Variants in GON4L observed in about 807,000 individuals in gnomAD.
GON4L encodes the protein gon-4 like.
In GON4L, 87 loss-of-function variants were observed where a neutral mutation model predicts 211.8. That is an observed-to-expected ratio of 0.41 (90% CI 0.35 to 0.49). The LOEUF is 0.49. Ranked by LOEUF, GON4L falls within the 20% of genes least tolerant of loss-of-function variation. GON4L has a pLI of 0.15. For missense variants in GON4L, 2,155 were observed against 2,659.5 expected, an observed-to-expected ratio of 0.81 and a Z score of 4.17; for synonymous variants, 875 against 962.6, an observed-to-expected ratio of 0.91 and a Z score of 1.68.
chr1:155,767,987 A>G (rs1000479027), intron 19 of GON4L, among the ~76,000 whole-genome samples: 11 of 152,154 alleles, frequency 7.2e-5, no homozygotes, highest in African/African-American at 1.9e-4. Flanking sequence ...AAGGGGGGAA[A>G]AAAAGAGCCT....
chr1:155,816,995 TTTTG>T (rs1668311565), intron 6 of GON4L, among the ~76,000 whole-genome samples: 1 of 152,082 alleles, frequency 6.6e-6, no homozygotes, highest in African/African-American at 2.4e-5. Flanking sequence ...TTTTTCTTGT[TTTTG>T]TTTTTGTTTT....
chr1:155,849,301 T>G (rs1190176721), intron 2 of GON4L, among the ~76,000 whole-genome samples: 1 of 149,750 alleles, frequency 6.7e-6, no homozygotes, highest in East Asian at 2.0e-4. Context: ...ATCCCAGCAC[T>G]TGGGAGGCCG....
chr1:155,755,418 T>G (rs1661077955), intron 27 of GON4L, among the ~76,000 whole-genome samples: 1 of 151,986 alleles, frequency 6.6e-6, no homozygotes, highest in Non-Finnish European at 1.5e-5. Context: ...GCAATGTTAC[T>G]CTGGCTGGTC....
intron 2 of GON4L, among the ~76,000 whole-genome samples, chr1:155,828,814 A>AG (rs1669467843): frequency 6.6e-6 from 1 of 151,704 alleles, no homozygotes; most frequent in South Asian, 2.1e-4. Context: ...TCTCAAAAAA[A>AG]AAAAAAAAAA....
At chr1:155,789,083 C>CG (rs1329686912) in intron 12 of GON4L, among the ~76,000 whole-genome samples, 2 of 121,320 alleles carry the variant, frequency 1.6e-5, no homozygotes, top group African/African-American at 6.5e-5. Context: ...GACTCCGTCT[C>CG]GGAAAAAAAA....
chr1:155,783,632 T>C (rs1476232846), intron 14 of GON4L, among the ~76,000 whole-genome samples: 2 of 152,212 alleles, frequency 1.3e-5, no homozygotes, highest in African/African-American at 4.8e-5. Context: ...CAGATATTAA[T>C]GGCACATAAA....
chr1:155,842,984 G>T (rs76518242), intron 2 of GON4L, among the ~76,000 whole-genome samples: 1 of 152,118 alleles, frequency 6.6e-6, no homozygotes, highest in African/African-American at 2.4e-5. Context: ...CACCTGTCCC[G>T]GATTAAACAA....
chr1:155,755,764 A>G (rs1661104971), intron 27 of GON4L, among the ~76,000 whole-genome samples: 1 of 152,170 alleles, frequency 6.6e-6, no homozygotes, highest in South Asian at 2.1e-4. Flanking sequence ...ATCTCTTCCA[A>G]TCCCCTTCAG....
At position 155,765,847 on chromosome 1, in the gene GON4L, G is replaced by C; in HGVS notation, c.3626C>G (p.Ser1209Cys). The stretch of plus-strand genomic sequence containing the variant: ...TATAGGAAGATTCACAGAATTGCCA[G>C]AAACAATTAAGGGTGAGACAGAGGA... The part of the protein sequence containing the change: ...VASSVSPLIV[S>C]GNSVNLPIPS... Residue 1209 changes from serine to cysteine, a missense_variant, in exon 21 of 32, where the codon TCT becomes TGT. Coordinates refer to ENST00000368331, the MANE Select transcript of GON4L (RefSeq NM_001282860.2). 1 of 1,614,178 alleles carries C rather than the reference G, an allele frequency of 6.2e-7. No homozygotes were observed. Among genetic ancestry groups the C allele is most frequent in the Non-Finnish European group, 8.5e-7 (1 of 1,180,032 alleles).
At chr1:155,773,301 A>G in intron 17 of GON4L, 91 bp from the exon 18 acceptor site, 2 of 1,436,750 alleles carry the variant, frequency 1.4e-6, no homozygotes, top group Non-Finnish European at 1.9e-6. Flanking sequence ...TTTAGGTAGG[A>G]GCTATCCTTA....
In GON4L at chr1:155,765,280, T is replaced by A; in HGVS notation, c.4193A>T (p.Asp1398Val). Residue 1398 changes from aspartate to valine, a missense_variant, in exon 21 of 32, where the codon GAT (aspartate) becomes GTT (valine). Transcript: ENST00000368331. ...KTPSSSQEPPDEGTSGTDVNK... is the reference protein window; with the variant it reads ...KTPSSSQEPPVEGTSGTDVNK... The stretch of plus-strand genomic sequence containing the variant: ...CACATCTGTCCCTGAGGTTCCTTCA[T>A]CAGGGGGCTCTTGAGAAGATGAAGG... 1 of 1,614,196 alleles carries A rather than the reference T, an allele frequency of 6.2e-7. No individual in the cohort carries two copies. The highest frequency in any genetic ancestry group is 8.5e-7 in the Non-Finnish European group (1 of 1,180,032).
At chr1:155,806,366 T>C (rs1667131306) in intron 10 of GON4L, among the ~76,000 whole-genome samples, 1 of 151,478 alleles carries the variant, frequency 6.6e-6, no homozygotes, top group Non-Finnish European at 1.5e-5. Flanking sequence ...TTGTCTTGAA[T>C]TCCTGACCTC....
chr1:155,757,299 G>C lies in GON4L; in HGVS notation c.5278C>G (p.Leu1760Val). 6.2e-7 allele frequency: 1 copy of C among 1,613,880 alleles called. No individual in the cohort carries two copies. The highest frequency in any genetic ancestry group is 8.5e-7 in the Non-Finnish European group (1 of 1,179,886). Reference protein sequence around the residue: ...TELKTQMWQLLKGHDHLQDEF... With the variant: ...TELKTQMWQLVKGHDHLQDEF... ...TCCTGCAGGTGGTCGTGGCCCTTGAGGAGCTGCCACATCTGTGTCTTGAGC... is the reference window on the plus strand; with the variant it reads ...TCCTGCAGGTGGTCGTGGCCCTTGACGAGCTGCCACATCTGTGTCTTGAGC... Residue 1760 changes from leucine to valine, a missense_variant, in exon 26 of 32, where the codon CTC (leucine) becomes GTC (valine). Physicochemically the swap from Leu to Val is conservative, Grantham distance 32. Transcript: ENST00000368331.
chr1:155,847,859 G>A (rs570149773), intron 2 of GON4L, among the ~76,000 whole-genome samples: 98 of 152,168 alleles, frequency 6.4e-4, no homozygotes, highest in African/African-American at 2.3e-3. Flanking sequence ...GGGGAACAGA[G>A]TGAGACTCTG....
At position 155,763,369 on chromosome 1, in the gene GON4L, G is replaced by A. The variant is rs754046642; in HGVS notation, c.4669C>T (p.Pro1557Ser). ...GCAGTCTCAGGTGAAGCAAAAGTAG[G>A]AGGCTTCTCAGCAGAGTCTCCAACT... Reference protein sequence around the residue: ...EAVGDSAEKPPTFASPETAPE... With the variant: ...EAVGDSAEKPSTFASPETAPE... The change falls in exon 22 of 32, where the codon CCT (proline) becomes TCT (serine). Residue 1557 changes from proline to serine, a missense_variant. Coordinates refer to ENST00000368331, the MANE Select transcript of GON4L (RefSeq NM_001282860.2). 32 of 1,613,424 alleles carry A rather than the reference G, an allele frequency of 2.0e-5. No homozygotes were observed. Among genetic ancestry groups the A allele is most frequent in the Middle Eastern group, 1.7e-4 (1 of 6,060 alleles).
chr1:155,807,649 A>G (rs1667262023), intron 10 of GON4L, among the ~76,000 whole-genome samples: 1 of 136,878 alleles, frequency 7.3e-6, no homozygotes, highest in Non-Finnish European at 1.5e-5. Flanking sequence ...GCTTGCAGTG[A>G]GCCGAGATCG....
chr1:155,842,645 G>A (rs893849246), intron 2 of GON4L, among the ~76,000 whole-genome samples: 2 of 151,736 alleles, frequency 1.3e-5, no homozygotes, highest in Non-Finnish European at 2.9e-5. Context: ...AGACCATCCT[G>A]GCCAACATGG....
chr1:155,775,931 C>T (rs879383896), intron 16 of GON4L, among the ~76,000 whole-genome samples: 1 of 152,088 alleles, frequency 6.6e-6, no homozygotes, highest in Admixed American at 6.6e-5. Flanking sequence ...ACTACAGGTA[C>T]GCACCACCAC....
chr1:155,774,830 A>C, intron 17 of GON4L, 172 bp downstream of exon 17: 1 of 874,670 alleles, frequency 1.1e-6, no homozygotes, highest in Non-Finnish European at 1.8e-6. Context: ...TTATCATGTA[A>C]TTCTAGAACT....
Sources: gnomAD v4.1 joint callset for allele counts (sites outside exome capture counted in the v4.1 genomes callset) on GRCh38, gnomAD v4.1.1 for gene constraint, MANE v1.5 for transcripts, NCBI Gene and HGNC (gene_info 2026-07-23, HGNC 2026-07-21) for gene names.